Variants in ARL13B observed in about 807,000 individuals in gnomAD.
The protein encoded by ARL13B is ADP-ribosylation factor-like protein 13B.
In ARL13B, 36 loss-of-function variants were observed where a neutral mutation model predicts 56.1. That is an observed-to-expected ratio of 0.64 (90% CI 0.49 to 0.85). The LOEUF (loss-of-function observed/expected upper bound fraction) is 0.85. ARL13B is among the 40% of genes least tolerant of loss of function. The pLI is 0.00. For missense variants in ARL13B, 519 were observed against 507.1 expected, an observed-to-expected ratio of 1.02 and a Z score of -0.23; for synonymous variants, 178 against 171.1, an observed-to-expected ratio of 1.04 and a Z score of -0.32.
chr3:94,038,284 A>G (rs1216242609), intron 5 of ARL13B, among the ~76,000 whole-genome samples: 1 of 152,114 alleles, frequency 6.6e-6, no homozygotes, highest in Non-Finnish European at 1.5e-5. Context: ...CATTTGTGGG[A>G]AAGCTAAGGC....
chr3:93,991,895 A>G (rs2075883475), intron 1 of ARL13B, among the ~76,000 whole-genome samples: 1 of 152,210 alleles, frequency 6.6e-6, no homozygotes, highest in Non-Finnish European at 1.5e-5. Context: ...GTAATGCTTT[A>G]ATTCCCTAAA....
At chr3:93,992,804 A>G (rs970885470) in intron 1 of ARL13B, among the ~76,000 whole-genome samples, 4 of 151,846 alleles carry the variant, frequency 2.6e-5, no homozygotes, top group Admixed American at 2.0e-4. Context: ...GTTTTATTTT[A>G]TTTTTTGAGA....
At chr3:94,030,619 GTA>G (rs1255987600) in intron 3 of ARL13B, among the ~76,000 whole-genome samples, 1 of 151,934 alleles carries the variant, frequency 6.6e-6, no homozygotes, top group African/African-American at 2.4e-5. Context: ...ATGAACCTAG[GTA>G]TATATCTAGG....
In ARL13B at chr3:93,985,037, A is replaced by C. The variant is rs530249038; in HGVS notation, c.59+4555A>C. Among the ~76,000 whole-genome samples, 29 of 132,474 alleles carry C rather than the reference A, an allele frequency of 2.2e-4. No individual in the cohort carries two copies. In the East Asian group the frequency reaches 4.7e-3, roughly 21 times the overall value. 86.9% of individuals were successfully genotyped at this position (132,474 alleles called of 152,430 possible). A position where few individuals can be genotyped will look rare whatever the true frequency, so the allele number is the denominator to read the frequency against. On this transcript the variant is annotated intron_variant, in intron 1 of 9. Transcript: ENST00000394222. ...TCAATCAATCAATCAATCAATCAAT[A>C]AGACTAAATAAAAATTTTAAATTCA...
At chr3:94,044,047 G>A (rs547081652) in intron 7 of ARL13B, among the ~76,000 whole-genome samples, 1 of 152,218 alleles carries the variant, frequency 6.6e-6, no homozygotes, top group African/African-American at 2.4e-5. Context: ...CTCCCAAAGT[G>A]CTAAGATTAC....
intron 8 of ARL13B, among the ~76,000 whole-genome samples, chr3:94,049,746 C>A (rs2077040817): frequency 6.6e-6 from 1 of 151,802 alleles, no homozygotes; most frequent in Non-Finnish European, 1.5e-5. Flanking sequence ...TAAGTAAAAA[C>A]TATTAAGAAA....
At chr3:93,999,588 TG>T (rs2076021238) in intron 2 of ARL13B, among the ~76,000 whole-genome samples, 1 of 152,230 alleles carries the variant, frequency 6.6e-6, no homozygotes, top group African/African-American at 2.4e-5. Context: ...CTCTTTCAGT[TG>T]TTTTTAAATG....
rs186099893 is a variant in ARL13B, at chr3:93,997,808, G to A, written c.130+1864G>A. 2.2e-3 allele frequency among the ~76,000 whole-genome samples: 328 copies of A among 152,210 alleles called. 1 individual carries two copies. Among genetic ancestry groups the A allele is most frequent in the Non-Finnish European group, 2.8e-3 (190 of 68,006 alleles). ...TCGAGACCAGGCTGGCCAACATGGC[G>A]AAACCCCATCTCTACTAAAAATACC... On this transcript the variant is annotated intron_variant, in intron 2 of 9. Coordinates refer to ENST00000394222, the MANE Select transcript of ARL13B (RefSeq NM_001174150.2).
rs2076774939 is a variant in ARL13B at position 94,036,714 on chromosome 3, CA to C, written c.651del (p.Glu218LysfsTer43). 6.2e-7 allele frequency: 1 copy of C among 1,613,460 alleles called. No homozygotes were observed. The highest frequency in any genetic ancestry group is 1.3e-5 in the African/African-American group (1 of 74,838). The part of the protein sequence containing the change: ...EQRALEEQEK[Q>X]ERAERVRKLR... The stretch of plus-strand genomic sequence containing the variant: ...GCGTGCTCTTGAGGAACAAGAGAAA[CA>C]AGAAAGAGCTGAACGAGTGCGAAAA... On this transcript the variant is annotated frameshift_variant, in exon 5 of 10. Transcript: ENST00000394222. LOFTEE classifies it high-confidence loss of function.
At chr3:94,022,855 T>TA (rs531371619) in intron 3 of ARL13B, among the ~76,000 whole-genome samples, 3 of 152,212 alleles carry the variant, frequency 2.0e-5, no homozygotes, top group Non-Finnish European at 2.9e-5. Flanking sequence ...AAATATTAAT[T>TA]ACCAAAGTTT....
At chr3:93,994,137 T>C (rs1429630858) in intron 1 of ARL13B, among the ~76,000 whole-genome samples, 1 of 152,224 alleles carries the variant, frequency 6.6e-6, no homozygotes, top group East Asian at 1.9e-4. Flanking sequence ...GCCTATGGTC[T>C]AACATGAACT....
At chr3:94,049,301 TG>T (rs2077030757) in intron 7 of ARL13B, 104 bp from the exon 8 acceptor site, 1 of 626,470 alleles carries the variant, frequency 1.6e-6, no homozygotes, top group African/African-American at 1.9e-5. Flanking sequence ...ATAGTCAAGA[TG>T]TTTTTTGTTA....
rs547932618 is a variant in ARL13B at position 93,991,866 on chromosome 3, TGTTA to T, written c.60-4003_60-4000del. Among the ~76,000 whole-genome samples the T allele has an allele frequency of 3.2e-3, 488 of 152,350 alleles. 3 individuals carry two copies. The highest frequency in any genetic ancestry group is 5.5e-3 in the Non-Finnish European group (372 of 68,026). On this transcript the variant is annotated intron_variant, in intron 1 of 9. Coordinates refer to ENST00000394222, the MANE Select transcript of ARL13B (RefSeq NM_001174150.2). ...TGCTGTGATTTTTATTTGTACTCCT[TGTTA>T]GTTATGTTTATTCAGTAATGCTTTA...
intron 3 of ARL13B, among the ~76,000 whole-genome samples, chr3:94,011,369 T>C (rs1484720955): frequency 6.6e-6 from 1 of 152,178 alleles, no homozygotes; most frequent in African/African-American, 2.4e-5. Context: ...CTGGTTATCT[T>C]CTTATCTTTC....
intron 3 of ARL13B, among the ~76,000 whole-genome samples, chr3:94,004,506 G>A (rs1272573396): frequency 6.6e-6 from 1 of 152,058 alleles, no homozygotes; most frequent in Admixed American, 6.6e-5. Flanking sequence ...AGTAGATGGT[G>A]CTATAACCGT....
intron 2 of ARL13B, among the ~76,000 whole-genome samples, chr3:94,000,137 T>C (rs944211032): frequency 6.6e-6 from 1 of 152,192 alleles, no homozygotes; most frequent in Non-Finnish European, 1.5e-5. Flanking sequence ...TCATATTGGC[T>C]CATATCAACT....
intron 3 of ARL13B, chr3:94,014,898 A>G: frequency 1.9e-6 from 3 of 1,613,470 alleles, no homozygotes; most frequent in East Asian, 4.5e-5. Flanking sequence ...CTGAAGATGG[A>G]CCATTTTCAA....
At chr3:94,025,097 C>G (rs1210147047) in intron 3 of ARL13B, among the ~76,000 whole-genome samples, 1 of 152,044 alleles carries the variant, frequency 6.6e-6, no homozygotes, top group Non-Finnish European at 1.5e-5. Flanking sequence ...TGAGTCTGAC[C>G]TCTATAAAGG....
chr3:94,004,886 T>C (rs2076108496), intron 3 of ARL13B, among the ~76,000 whole-genome samples: 1 of 152,130 alleles, frequency 6.6e-6, no homozygotes, highest in African/African-American at 2.4e-5. Flanking sequence ...TTAACAGGGA[T>C]ATGTATGAAG....
Sources: gnomAD v4.1 joint callset for allele counts (sites outside exome capture counted in the v4.1 genomes callset) on GRCh38, gnomAD v4.1.1 for gene constraint, MANE v1.5 for transcripts, NCBI Gene and HGNC (gene_info 2026-07-23, HGNC 2026-07-21) for gene names.